The following SGCZ variants were observed in gnomAD, a reference collection of about 807,000 sequenced individuals.
SGCZ encodes the protein zeta-sarcoglycan.
Under a neutral mutation model 41.3 loss-of-function variants are expected in SGCZ, and 40 were observed. That is an observed-to-expected ratio of 0.97 (90% confidence interval 0.75 to 1.26). SGCZ has a LOEUF of 1.26. SGCZ is among the 50% of genes most tolerant of loss of function. The probability of loss-of-function intolerance (pLI) is 0.00; values close to 1 mark genes in which losing one functional copy is unlikely to be tolerated. For synonymous variants in SGCZ, 206 were observed against 137.5 expected (o/e 1.50, Z -3.49); for missense variants, 552 against 369.8 (o/e 1.49, Z -4.04).
intron 1 of SGCZ, among the ~76,000 whole-genome samples, chr8:14,942,979 A>G (rs1800326244): frequency 6.6e-6 from 1 of 152,160 alleles, no homozygotes; most frequent in African/African-American, 2.4e-5. Flanking sequence ...TGATTGCTGA[A>G]TCATGCCAGT....
intron 1 of SGCZ, among the ~76,000 whole-genome samples, chr8:14,652,483 G>A (rs1446095498): frequency 1.3e-5 from 2 of 151,848 alleles, no homozygotes; most frequent in African/African-American, 2.4e-5. Flanking sequence ...TATATTTTTT[G>A]TAATATCTAG....
intron 1 of SGCZ, among the ~76,000 whole-genome samples, chr8:14,734,574 G>A (rs912094995): frequency 2.6e-5 from 4 of 152,032 alleles, no homozygotes; most frequent in African/African-American, 9.7e-5. Flanking sequence ...CTTCACGTAT[G>A]TATAGAATAT....
intron 6 of SGCZ, among the ~76,000 whole-genome samples, chr8:14,107,510 T>C (rs1802243206): frequency 6.6e-6 from 1 of 152,230 alleles, no homozygotes; most frequent in Non-Finnish European, 1.5e-5. Context: ...TATTACCCTC[T>C]ATATAATACT....
chr8:14,125,363 G>A (rs554209765), intron 5 of SGCZ, among the ~76,000 whole-genome samples: 33 of 152,052 alleles, frequency 2.2e-4, no homozygotes, highest in Non-Finnish European at 2.8e-4. Context: ...AATTAGCTGC[G>A]TATGGTGGCG....
chr8:14,587,178 A>T (rs1805086138), intron 1 of SGCZ, among the ~76,000 whole-genome samples: 1 of 152,112 alleles, frequency 6.6e-6, no homozygotes, highest in African/African-American at 2.4e-5. Context: ...TTTCCTCATT[A>T]CATAATGAGA....
At chr8:14,754,781 C>T (rs191554872) in intron 1 of SGCZ, among the ~76,000 whole-genome samples, 122 of 152,268 alleles carry the variant, frequency 8.0e-4, no homozygotes, top group African/African-American at 2.9e-3. Context: ...AACCTCGGTT[C>T]ACTGCAACCT....
chr8:14,916,854 A>C lies in SGCZ; in HGVS notation c.39+320731T>G, dbSNP rs1799453718. Reference sequence around the variant, plus strand: ...ACTTTGTAAAAATAGACGCATAGTTATTTTTTAAAAAAAACAATGTTTATT... The same window carrying C: ...ACTTTGTAAAAATAGACGCATAGTTCTTTTTTAAAAAAAACAATGTTTATT... On this transcript the variant is annotated intron_variant, in intron 1 of 7. Coordinates refer to ENST00000382080, the MANE Select transcript of SGCZ (RefSeq NM_139167.4). Among the ~76,000 whole-genome samples, 4 of 152,212 alleles carry C rather than the reference A, an allele frequency of 2.6e-5. No individual in the cohort carries two copies. In the South Asian group the frequency reaches 6.2e-4, roughly 24 times the overall value.
At chr8:14,346,969 A>T (rs566953136) in intron 2 of SGCZ, among the ~76,000 whole-genome samples, 8 of 152,148 alleles carry the variant, frequency 5.3e-5, no homozygotes, top group African/African-American at 1.9e-4. Flanking sequence ...CTTCCATTAC[A>T]TTTATTTCCT....
At chr8:14,699,978 A>G (rs1358755910) in intron 1 of SGCZ, among the ~76,000 whole-genome samples, 1 of 152,002 alleles carries the variant, frequency 6.6e-6, no homozygotes, top group African/African-American at 2.4e-5. Context: ...GGTTGCAGAG[A>G]AAAGGGAACT....
At chr8:15,167,672 G>C (rs268405) in intron 1 of SGCZ, among the ~76,000 whole-genome samples, 63,415 of 141,922 alleles carry the variant, frequency 0.45, 14,312 homozygotes, top group Non-Finnish European at 0.5. Flanking sequence ...TTTATAATTT[G>C]GGATGTTTAA....
chr8:14,359,074 A>G (rs1247968802), intron 2 of SGCZ, among the ~76,000 whole-genome samples: 1 of 152,148 alleles, frequency 6.6e-6, no homozygotes, highest in Non-Finnish European at 1.5e-5. Flanking sequence ...ATTTTAAAAT[A>G]TATTGATATC....
rs536594455 is a variant in SGCZ at position 14,928,023 on chromosome 8, G to A, written c.39+309562C>T. Among the ~76,000 whole-genome samples, 5 of 152,260 alleles carry A rather than the reference G, an allele frequency of 3.3e-5. No individual in the cohort carries two copies. In the South Asian group the frequency reaches 1.0e-3, roughly 32 times the overall value. ...TTAGCTCAACTCCAGATTCTTGAGTGTTTGTCCAGCATCTGCCAGAGGCCT... is the reference window on the plus strand; with the variant it reads ...TTAGCTCAACTCCAGATTCTTGAGTATTTGTCCAGCATCTGCCAGAGGCCT... On this transcript the variant is annotated intron_variant, in intron 1 of 7. Coordinates refer to ENST00000382080, the MANE Select transcript of SGCZ (RefSeq NM_139167.4).
At chr8:14,342,767 A>G (rs2117082608) in intron 2 of SGCZ, among the ~76,000 whole-genome samples, 1 of 152,338 alleles carries the variant, frequency 6.6e-6, no homozygotes, top group Admixed American at 6.5e-5. Flanking sequence ...TTCTGGGGAA[A>G]AATTCAAGCC....
intron 1 of SGCZ, among the ~76,000 whole-genome samples, chr8:15,142,783 T>G (rs1474675882): frequency 6.6e-6 from 1 of 152,002 alleles, no homozygotes; most frequent in Admixed American, 6.6e-5. Flanking sequence ...AGCTACTTTT[T>G]GTATTTTTGT....
At chr8:14,609,807 G>C (rs1462887399) in intron 1 of SGCZ, among the ~76,000 whole-genome samples, 1 of 152,016 alleles carries the variant, frequency 6.6e-6, no homozygotes, top group Non-Finnish European at 1.5e-5. Context: ...TAGCACAATA[G>C]AGAAACTATT....
intron 2 of SGCZ, among the ~76,000 whole-genome samples, chr8:14,475,413 G>GA (rs1392539417): frequency 2.0e-5 from 3 of 152,076 alleles, no homozygotes; most frequent in African/African-American, 7.2e-5. Flanking sequence ...ACTATAAAAA[G>GA]GTTTTTAACA....
chr8:14,227,231 T>C (rs1181534537), intron 4 of SGCZ, among the ~76,000 whole-genome samples: 1 of 152,064 alleles, frequency 6.6e-6, no homozygotes. Flanking sequence ...AAAAATGAAG[T>C]ATGGCAAAAA....
chr8:14,145,811 A>G (rs531575753), intron 5 of SGCZ, among the ~76,000 whole-genome samples: 1 of 152,338 alleles, frequency 6.6e-6, no homozygotes, highest in African/African-American at 2.4e-5. Context: ...GGCATACTGA[A>G]GAACACATTA....
At chr8:14,387,456 A>G (rs1804614997) in intron 2 of SGCZ, among the ~76,000 whole-genome samples, 1 of 152,218 alleles carries the variant, frequency 6.6e-6, no homozygotes, top group African/African-American at 2.4e-5. Flanking sequence ...AAATATTACT[A>G]TATTCAGAAT....
Sources: allele counts gnomAD v4.1 joint callset (sites outside exome capture counted in the v4.1 genomes callset), GRCh38; gene constraint gnomAD v4.1.1; transcripts MANE v1.5; gene names NCBI Gene and HGNC (gene_info 2026-07-23, HGNC 2026-07-21).